RIMS2: variants seen among roughly 807,000 people sequenced by gnomAD.
RIMS2 encodes regulating synaptic membrane exocytosis protein 2.
A neutral mutation model predicts 174.4 loss-of-function variants in RIMS2; 59 were observed. The ratio of observed to expected loss-of-function variants is 0.34; its 90% confidence interval spans 0.27 to 0.42. The LOEUF is 0.42. Among genes scored for constraint, RIMS2 ranks in the 10% least tolerant of loss-of-function variants. The pLI, the probability that RIMS2 is intolerant of heterozygous loss-of-function variation, is 1.00. For synonymous variants in RIMS2, 606 were observed against 572.5 expected (o/e 1.06, Z -0.84); for missense variants, 1,620 against 1,666.3 (o/e 0.97, Z 0.48).
intron 1 of RIMS2, among the ~76,000 whole-genome samples, chr8:103,552,737 A>C (rs1360637182): frequency 6.6e-6 from 1 of 152,238 alleles, no homozygotes; most frequent in Non-Finnish European, 1.5e-5. Flanking sequence ...AAGAACTTAA[A>C]CAAGTTTACA....
chr8:104,039,728 A>G (rs1208785234), intron 19 of RIMS2, among the ~76,000 whole-genome samples: 1 of 151,722 alleles, frequency 6.6e-6, no homozygotes, highest in Admixed American at 6.6e-5. Context: ...GCATTTGCCT[A>G]GGGTATTAAT....
chr8:103,630,237 T>A (rs889207254), intron 1 of RIMS2, among the ~76,000 whole-genome samples: 1 of 152,066 alleles, frequency 6.6e-6, no homozygotes, highest in Admixed American at 6.5e-5. Context: ...AATAGCAGAT[T>A]TTTTTGAATG....
At chr8:103,880,849 A>C (rs569834273) in intron 3 of RIMS2, among the ~76,000 whole-genome samples, 3 of 151,652 alleles carry the variant, frequency 2.0e-5, no homozygotes, top group Admixed American at 2.0e-4. Context: ...ACTTCTGTTA[A>C]ATCCTTGATT....
chr8:104,188,197 A>T (rs922280600), intron 19 of RIMS2, among the ~76,000 whole-genome samples: 4 of 151,050 alleles, frequency 2.6e-5, no homozygotes, highest in Non-Finnish European at 5.9e-5. Context: ...GGAATGAAGA[A>T]GTGGGACTTT....
At chr8:104,232,941 C>A (rs2099238660) in intron 19 of RIMS2, among the ~76,000 whole-genome samples, 1 of 151,270 alleles carries the variant, frequency 6.6e-6, no homozygotes, top group South Asian at 2.1e-4. Context: ...AACAAATATC[C>A]ACTTTGTAAT....
intron 19 of RIMS2, among the ~76,000 whole-genome samples, chr8:104,052,618 G>T (rs895307140): frequency 6.6e-6 from 1 of 152,172 alleles, no homozygotes; most frequent in South Asian, 2.1e-4. Context: ...TAGATTCTAG[G>T]TATTGTAGAT....
chr8:103,819,562 G>A, intron 3 of RIMS2: 1 of 1,613,524 alleles, frequency 6.2e-7, no homozygotes. Context: ...TCATTTTCAT[G>A]GGGTTTTTTC....
chr8:104,203,831 A>C (rs1257010754), intron 19 of RIMS2, among the ~76,000 whole-genome samples: 1 of 152,138 alleles, frequency 6.6e-6, no homozygotes, highest in Non-Finnish European at 1.5e-5. Context: ...AATTACACTA[A>C]ATAAAACAAT....
At chr8:103,761,787 C>T (rs1241067100) in intron 2 of RIMS2, among the ~76,000 whole-genome samples, 6 of 152,182 alleles carry the variant, frequency 3.9e-5, no homozygotes, top group Non-Finnish European at 8.8e-5. Flanking sequence ...GACAAATGCA[C>T]ACATATTTAT....
At chr8:103,545,667 C>G (rs572837928) in intron 1 of RIMS2, among the ~76,000 whole-genome samples, 1 of 152,188 alleles carries the variant, frequency 6.6e-6, no homozygotes. Context: ...ATCAGGCTAA[C>G]AGTGAATTTT....
chr8:103,575,683 C>T (rs202145352), intron 1 of RIMS2, among the ~76,000 whole-genome samples: 68,417 of 145,216 alleles, frequency 0.47, 16,720 homozygotes, highest in East Asian at 0.84. Context: ...CACACACACA[C>T]ACATATATAT....
At chr8:103,584,306 T>C (rs1365847486) in intron 1 of RIMS2, among the ~76,000 whole-genome samples, 1 of 152,146 alleles carries the variant, frequency 6.6e-6, no homozygotes, top group Non-Finnish European at 1.5e-5. Flanking sequence ...AGAGATTTGA[T>C]CAATACTAGA....
At chr8:104,233,581 G>A (rs920208900) in intron 19 of RIMS2, among the ~76,000 whole-genome samples, 6 of 152,150 alleles carry the variant, frequency 3.9e-5, no homozygotes, top group African/African-American at 9.7e-5. Context: ...GTGTTTCTTC[G>A]TTGTTTATTC....
At chr8:103,697,854 A>T (rs938036256) in intron 2 of RIMS2, among the ~76,000 whole-genome samples, 127 of 152,170 alleles carry the variant, frequency 8.3e-4, no homozygotes, top group East Asian at 5.8e-4. Context: ...GTGAAACCCC[A>T]TGTCTACTAA....
intron 19 of RIMS2, among the ~76,000 whole-genome samples, chr8:104,116,584 G>T (rs75180848): frequency 0.022 from 3,344 of 152,130 alleles, 127 homozygotes; most frequent in African/African-American, 0.076. Flanking sequence ...GATTGATTTA[G>T]GATTTACATT....
chr8:103,635,700 C>G (rs2096059934), intron 1 of RIMS2, among the ~76,000 whole-genome samples: 1 of 152,192 alleles, frequency 6.6e-6, no homozygotes, highest in Admixed American at 6.5e-5. Context: ...GGAGCAGGAT[C>G]AGTACCTGCT....
intron 19 of RIMS2, among the ~76,000 whole-genome samples, chr8:104,166,016 A>C (rs2098794588): frequency 6.8e-6 from 1 of 147,904 alleles, no homozygotes. Flanking sequence ...ATGCTATAAG[A>C]TTTCAGAAAG....
chr8:103,883,212 T>C (rs1594498757), intron 3 of RIMS2, among the ~76,000 whole-genome samples: 4 of 151,894 alleles, frequency 2.6e-5, no homozygotes, highest in African/African-American at 4.8e-5. Flanking sequence ...TAAGTTAACA[T>C]GTAAAATCTA....
chr8:104,216,709 G>A (rs957192678), intron 19 of RIMS2, among the ~76,000 whole-genome samples: 5 of 152,160 alleles, frequency 3.3e-5, no homozygotes, highest in African/African-American at 1.2e-4. Flanking sequence ...TGAGGAAAAA[G>A]GCCTGGCTTA....
Sources: allele counts gnomAD v4.1 joint callset (sites outside exome capture counted in the v4.1 genomes callset), GRCh38; gene constraint gnomAD v4.1.1; transcripts MANE v1.5; gene names NCBI Gene and HGNC (gene_info 2026-07-23, HGNC 2026-07-21).